The following SOS1 variants were observed in gnomAD, a reference collection of about 807,000 sequenced individuals.
SOS1 encodes son of sevenless homolog 1.
Under a neutral mutation model 157.6 loss-of-function variants are expected in SOS1, and 25 were observed. The observed-to-expected ratio is 0.16, with a 90% confidence interval of 0.12 to 0.22. SOS1 has a LOEUF of 0.22. Ranked by LOEUF, SOS1 falls within the 10% of genes least tolerant of loss-of-function variation. SOS1 has a pLI of 1.00. For synonymous variants in SOS1, 528 were observed against 534.0 expected (o/e 0.99, Z 0.16); for missense variants, 1,237 against 1,599.1 (o/e 0.77, Z 3.86).
At chr2:39,119,559 A>G (rs1673785418) in intron 1 of SOS1, among the ~76,000 whole-genome samples, 1 of 152,268 alleles carries the variant, frequency 6.6e-6, no homozygotes, top group Non-Finnish European at 1.5e-5. Context: ...AAAAGAAAAC[A>G]AAAATAGTCT....
At chr2:39,024,344 C>T (rs1398656603) in intron 8 of SOS1, among the ~76,000 whole-genome samples, 3 of 152,042 alleles carry the variant, frequency 2.0e-5, no homozygotes, top group Non-Finnish European at 4.4e-5. Context: ...CCAAGATTAG[C>T]AGTGTTAAGA....
intron 3 of SOS1, among the ~76,000 whole-genome samples, chr2:39,057,960 T>C (rs2124609410): frequency 6.6e-6 from 1 of 152,214 alleles, no homozygotes; most frequent in South Asian, 2.1e-4. Flanking sequence ...CTCTGTCACC[T>C]CATTTACAAA....
chr2:39,035,972 T>C (rs551179596), intron 6 of SOS1, among the ~76,000 whole-genome samples: 2 of 152,338 alleles, frequency 1.3e-5, no homozygotes, highest in East Asian at 1.9e-4. Context: ...CTAAAATTCA[T>C]TGTGATAATT....
At chr2:39,079,307 T>C (rs78962502) in intron 1 of SOS1, among the ~76,000 whole-genome samples, 73 of 152,216 alleles carry the variant, frequency 4.8e-4, no homozygotes, top group African/African-American at 1.7e-3. Context: ...GATCCATTTA[T>C]ATCAAGTTCA....
chr2:38,989,460 A>C, intron 20 of SOS1, 146 bp from the exon 21 acceptor site: 2 of 599,446 alleles, frequency 3.3e-6, no homozygotes, highest in Non-Finnish European at 3.0e-6. Flanking sequence ...CCTCATTACT[A>C]CTTACTTTTG....
chr2:38,997,059 A>G (rs747555960), intron 18 of SOS1, 21 bp from the exon 19 acceptor site: 1 of 1,272,410 alleles, frequency 7.9e-7, no homozygotes, highest in Non-Finnish European at 1.1e-6. Context: ...TGCAAAGAAA[A>G]AATTATTAAT....
intron 6 of SOS1, among the ~76,000 whole-genome samples, chr2:39,046,201 C>T (rs534432606): frequency 6.6e-6 from 1 of 151,792 alleles, no homozygotes; most frequent in South Asian, 2.1e-4. Flanking sequence ...ACTATAGTTC[C>T]TTTTTCCCTA....
chr2:39,083,059 G>T (rs1272066449), intron 1 of SOS1, among the ~76,000 whole-genome samples: 1 of 152,128 alleles, frequency 6.6e-6, no homozygotes, highest in Non-Finnish European at 1.5e-5. Context: ...ATTGGTTTTT[G>T]TTTATATAAA....
intron 1 of SOS1, among the ~76,000 whole-genome samples, chr2:39,102,923 C>A (rs1309005905): frequency 6.6e-6 from 1 of 151,898 alleles, no homozygotes; most frequent in Non-Finnish European, 1.5e-5. Flanking sequence ...CCACTGCACT[C>A]CAGTCTGGGT....
At chr2:38,990,806 T>A (rs1347331746) in intron 20 of SOS1, among the ~76,000 whole-genome samples, 1 of 152,194 alleles carries the variant, frequency 6.6e-6, no homozygotes, top group Non-Finnish European at 1.5e-5. Flanking sequence ...TTTGGTAAAT[T>A]TGGGGCACTA....
intron 10 of SOS1, among the ~76,000 whole-genome samples, chr2:39,020,675 C>G (rs1164923967): frequency 6.6e-6 from 1 of 151,720 alleles, no homozygotes; most frequent in Non-Finnish European, 1.5e-5. Flanking sequence ...TTCAGTTTTA[C>G]AAGTTCACAG....
chr2:39,061,769 T>G (rs1169337903), intron 2 of SOS1, among the ~76,000 whole-genome samples: 1 of 152,174 alleles, frequency 6.6e-6, no homozygotes, highest in African/African-American at 2.4e-5. Flanking sequence ...TCTCCTAATT[T>G]CAAGATTAAT....
At chr2:39,026,354 CAAAAAAAAA>C (rs761706344) in intron 8 of SOS1, among the ~76,000 whole-genome samples, 5 of 21,200 alleles carry the variant, frequency 2.4e-4, no homozygotes, top group South Asian at 2.6e-3. Context: ...GACTCCGTCT[CAAAAAAAAA>C]AAAAAAAAAA....
chr2:39,122,936 CTA>C (rs1243455163), upstream of SOS1, among the ~76,000 whole-genome samples: 1 of 152,154 alleles, frequency 6.6e-6, no homozygotes, highest in Non-Finnish European at 1.5e-5. Flanking sequence ...GTACCCCAAA[CTA>C]TTGCTTGGCT....
In SOS1 at chr2:38,995,366, G is replaced by T. The variant is rs757046948; in HGVS notation, c.3103C>A (p.Leu1035Ile). 4 of 1,613,390 alleles carry T rather than the reference G, an allele frequency of 2.5e-6. No homozygotes were observed. The South Asian group carries it at 4.4e-5, about 18-fold the overall frequency. The change falls in exon 20 of 23, where the codon CTA (leucine) becomes ATA (isoleucine). Residue 1035 changes from leucine to isoleucine, a missense_variant. Physicochemically the swap from Leu to Ile is conservative, Grantham distance 5. This residue lies in a region of SOS1 where 43 missense variants were observed against 83.0 expected (regional missense o/e 0.52). Coordinates refer to ENST00000402219, the MANE Select transcript of SOS1 (RefSeq NM_005633.4). Reference protein sequence around the residue: ...PRFPKKYSYPLKSPGVRPSNP... With the variant: ...PRFPKKYSYPIKSPGVRPSNP... ...GATGGACGAACACCAGGAGATTTTAGGGGATAGCTATATTTTTTTGGCTGT... is the reference window on the plus strand; with the variant it reads ...GATGGACGAACACCAGGAGATTTTATGGGATAGCTATATTTTTTTGGCTGT...
intron 3 of SOS1, among the ~76,000 whole-genome samples, chr2:39,057,703 C>T (rs1000161008): frequency 6.6e-6 from 1 of 151,904 alleles, no homozygotes; most frequent in African/African-American, 2.4e-5. Flanking sequence ...ATTTATATAC[C>T]TCAATTTGTT....
upstream of SOS1, among the ~76,000 whole-genome samples, chr2:39,122,079 C>G (rs1186776071): frequency 6.6e-6 from 1 of 152,164 alleles, no homozygotes; most frequent in Admixed American, 6.5e-5. Context: ...GGTTCTTAAT[C>G]TTTACAGGAC....
At chr2:39,098,899 T>A (rs1453570563) in intron 1 of SOS1, among the ~76,000 whole-genome samples, 1 of 151,820 alleles carries the variant, frequency 6.6e-6, no homozygotes, top group Non-Finnish European at 1.5e-5. Flanking sequence ...AAAAAAAAAA[T>A]ATTCTTACAA....
chr2:39,023,693 G>A (rs1201896857), intron 9 of SOS1: 2 of 303,314 alleles, frequency 6.6e-6, no homozygotes, highest in East Asian at 8.0e-5. Flanking sequence ...TAAAATAAAG[G>A]ACACTAATAA....
Sources: allele counts gnomAD v4.1 joint callset (sites outside exome capture counted in the v4.1 genomes callset), GRCh38; gene constraint gnomAD v4.1.1; regional missense constraint gnomAD v4.1.1; transcripts MANE v1.5; gene names NCBI Gene and HGNC (gene_info 2026-07-23, HGNC 2026-07-21).